The following SI variants were observed in gnomAD, a reference collection of about 807,000 sequenced individuals.
SI encodes the protein sucrase-isomaltase, intestinal.
Under a neutral mutation model 253.3 loss-of-function variants are expected in SI, and 235 were observed. The observed-to-expected ratio is 0.93, with a 90% CI of 0.83 to 1.03. The LOEUF is 1.03. SI is among the 50% of genes least tolerant of loss of function. SI has a pLI of 0.00. For synonymous variants in SI, 819 were observed against 712.0 expected (o/e 1.15, Z -2.39); for missense variants, 2,442 against 2,211.1 (o/e 1.10, Z -2.09).
intron 42 of SI, 29 bp downstream of exon 42, chr3:164,992,284 T>TG (rs1342706219): frequency 1.2e-6 from 2 of 1,612,446 alleles, no homozygotes; most frequent in Non-Finnish European, 8.5e-7. Context: ...AAGAAAATTG[T>TG]GTAAACAAAA....
rs1213610872 is a variant in SI, at chr3:165,000,266, CT to C, written c.4407-1594del. Among the ~76,000 whole-genome samples the C allele has an allele frequency of 2.6e-5, 4 of 151,024 alleles. No homozygotes were observed. In the Admixed American group the frequency reaches 2.7e-4, roughly 10 times the overall value. On this transcript the variant is annotated intron_variant, in intron 37 of 47. Coordinates refer to ENST00000264382, the MANE Select transcript of SI (RefSeq NM_001041.4). The stretch of plus-strand genomic sequence containing the variant: ...ATCTTACACTTGAAAAACTTCTTTA[CT>C]GATACTTTAAATTAATAGCTGAATA...
At chr3:164,994,190 G>C in intron 41 of SI, 67 bp downstream of exon 41, 1 of 1,398,260 alleles carries the variant, frequency 7.2e-7, no homozygotes. Context: ...TGCACTATAA[G>C]AGATCATTGG....
intron 3 of SI, among the ~76,000 whole-genome samples, chr3:165,071,065 C>T (rs1714544426): frequency 6.6e-6 from 1 of 152,058 alleles, no homozygotes; most frequent in African/African-American, 2.4e-5. Flanking sequence ...GGACGTTAGT[C>T]ATTCGACGCA....
chr3:164,984,531 A>G (rs1452654202), intron 45 of SI, among the ~76,000 whole-genome samples: 11 of 152,160 alleles, frequency 7.2e-5, no homozygotes, highest in Admixed American at 6.6e-4. Context: ...AGTGACAGCT[A>G]TTACGAAGAT....
At chr3:165,007,823 C>A (rs1310830451) in intron 36 of SI, 88 bp downstream of exon 36, 5 of 455,158 alleles carry the variant, frequency 1.1e-5, no homozygotes, top group Admixed American at 6.1e-5. Flanking sequence ...CTATGTATAG[C>A]TAACTGATAT....
chr3:164,979,236 T>G lies in SI; in HGVS notation c.*126A>C. On this transcript the variant is annotated 3_prime_UTR_variant, in exon 48 of 48. Coordinates refer to ENST00000264382, the MANE Select transcript of SI (RefSeq NM_001041.4). ...TCATTGATGTACGCTACAAAATAAC[T>G]TTTCGATGTTATGAAAGCTATATTT... is the stretch of plus-strand genomic sequence containing the variant. 1.4e-6 allele frequency: 1 copy of G among 718,300 alleles called. No homozygotes were observed. The highest frequency in any genetic ancestry group is 1.5e-5 in the South Asian group (1 of 68,756). The allele number at this position is 718,300 out of a possible 1,614,324, so 44.5% of individuals were successfully genotyped here.
rs751249445 is a variant in SI, at chr3:165,059,922, G to A, written c.1126C>T (p.Arg376Trp). The A allele has an allele frequency of 6.8e-6, 11 of 1,611,568 alleles. No individual in the cohort carries two copies. The highest frequency in any genetic ancestry group is 9.3e-6 in the Non-Finnish European group (11 of 1,178,394). Residue 376 changes from arginine (R) to tryptophan (W), a missense_variant, in exon 10 of 48, where the codon CGG becomes TGG. By Grantham distance (101) the Arg-to-Trp change is moderately radical. Coordinates refer to ENST00000264382, the MANE Select transcript of SI (RefSeq NM_001041.4). ...CTTACAAATGGTATGCCAGCTTCCC[G>A]GTTTCTCCTTACCACTTCTTTCACT... ...DVVKEVVRRN[R>W]EAGIPFDTQV... is the part of the protein sequence containing the mutation.
In SI at chr3:165,065,347, T is replaced by A; in HGVS notation, c.721A>T (p.Ile241Phe). ...TRLPSDYIYG[I>F]GEQVHKRFRH... ...AATCTCTTATGAACTTGTTCTCCAA[T>A]ACCATAAATATAATCACTTGGAAGA... Residue 241 changes from isoleucine (I) to phenylalanine (F), a missense_variant, in exon 7 of 48, where the codon ATT becomes TTT. Transcript: ENST00000264382. 6.3e-7 allele frequency: 1 copy of A among 1,596,520 alleles called. No individual in the cohort carries two copies. Among genetic ancestry groups the A allele is most frequent in the Non-Finnish European group, 8.6e-7 (1 of 1,165,664 alleles).
chr3:165,060,704 C>T (rs796079060), intron 9 of SI, among the ~76,000 whole-genome samples: 13 of 149,728 alleles, frequency 8.7e-5, no homozygotes, highest in African/African-American at 2.9e-4. Flanking sequence ...TAATTTTGCA[C>T]ATGGAAATTT....
Position 165,058,812 on chromosome 3 carries a change from A to G in SI, c.1398+151T>C, listed in dbSNP as rs530084741. On this transcript the variant is annotated intron_variant, in intron 12 of 47. Transcript: ENST00000264382. The stretch of plus-strand genomic sequence containing the variant: ...TCTTGGAGTAGTTTCTTTGTCTAAT[A>G]TTTTTCTCCACAATTAAAATATAAA... 49 of 621,172 alleles carry G rather than the reference A, an allele frequency of 7.9e-5. 1 individual carries two copies. In the Middle Eastern group the frequency reaches 1.4e-3, roughly 17 times the overall value. The allele number at this position is 621,172 out of a possible 1,614,324, so 38.5% of individuals were successfully genotyped here.
chr3:165,037,859 G>T lies in SI; in HGVS notation c.2426+41C>A, dbSNP rs774117638. ...ATGCAAATATGAAATATTAAGATTT[G>T]AATTTTATTTTAGATTTCAACTAAT... is the stretch of plus-strand genomic sequence containing the variant. On this transcript the variant is annotated intron_variant, in intron 21 of 47. Coordinates refer to ENST00000264382, the MANE Select transcript of SI (RefSeq NM_001041.4). 7.3e-5 allele frequency: 99 copies of T among 1,347,148 alleles called. 1 individual carries two copies. The highest frequency in any genetic ancestry group is 5.4e-4 in the Admixed American group (29 of 53,522). 83.4% of individuals were successfully genotyped at this position (1,347,148 alleles called of 1,614,324 possible).
chr3:165,049,845 C>CTGGAATAAAG lies in SI; in HGVS notation c.1542_1543insCTTTATTCCA (p.Gly515LeufsTer10), dbSNP rs1429416595. 2 of 1,608,472 alleles carry CTGGAATAAAG rather than the reference C, an allele frequency of 1.2e-6. No homozygotes were observed. Among genetic ancestry groups the CTGGAATAAAG allele is most frequent in the African/African-American group, 2.7e-5 (2 of 74,748 alleles). On this transcript the variant is annotated frameshift_variant, in exon 14 of 48. Transcript: ENST00000264382. LOFTEE classifies it high-confidence loss of function. ...TTTACATTACATCCTTTTGTTGAACCTTGAATAAAGCTGGAAACTTCATTC... is the reference window on the plus strand; with the variant it reads ...TTTACATTACATCCTTTTGTTGAACCTGGAATAAAGTTGAATAAAGCTGGAAACTTCATTC...
chr3:164,995,501 AC>A (rs1717971406), intron 40 of SI, among the ~76,000 whole-genome samples: 1 of 151,780 alleles, frequency 6.6e-6, no homozygotes, highest in African/African-American at 2.4e-5. Context: ...TCATATTTAA[AC>A]TTAAGTAGAG....
At chr3:165,033,538 A>T in intron 22 of SI, 94 bp from the exon 23 acceptor site, 1 of 1,169,682 alleles carries the variant, frequency 8.5e-7, no homozygotes. Context: ...ATTTGAACAA[A>T]CTAGATGCTG....
At chr3:164,997,827 T>C (rs1224296544) in intron 38 of SI, among the ~76,000 whole-genome samples, 1 of 151,940 alleles carries the variant, frequency 6.6e-6, no homozygotes, top group African/African-American at 2.4e-5. Flanking sequence ...GATCTCATTT[T>C]TTATGGCTGT....
chr3:165,069,873 A>C (rs891862840), intron 3 of SI, among the ~76,000 whole-genome samples: 3 of 151,588 alleles, frequency 2.0e-5, no homozygotes, highest in African/African-American at 7.3e-5. Flanking sequence ...GTATAATTAT[A>C]AATCTATGTA....
At chr3:165,023,248 T>C (rs1342983998) in intron 26 of SI, among the ~76,000 whole-genome samples, 1 of 151,538 alleles carries the variant, frequency 6.6e-6, no homozygotes, top group African/African-American at 2.4e-5. Context: ...TTAAAAATAA[T>C]GGAAACAGTA....
In SI at chr3:165,028,718, C is replaced by A. The variant is rs539409136; in HGVS notation, c.2892+1994G>T. 9.3e-5 allele frequency among the ~76,000 whole-genome samples: 14 copies of A among 149,988 alleles called. No individual in the cohort carries two copies. In the South Asian group the frequency reaches 2.9e-3, roughly 32 times the overall value. On this transcript the variant is annotated intron_variant, in intron 25 of 47. Coordinates refer to ENST00000264382, the MANE Select transcript of SI (RefSeq NM_001041.4). ...ACATCCTATTCAACAAATGGTGCTA[C>A]GATTATTGGCAAGCCACATGCAGGA...
At chr3:164,994,652 C>A (rs1284193769) in intron 40 of SI, among the ~76,000 whole-genome samples, 1 of 151,236 alleles carries the variant, frequency 6.6e-6, no homozygotes, top group Non-Finnish European at 1.5e-5. Flanking sequence ...GTGAACATAC[C>A]CAAAGAAAAG....
Sources: gnomAD v4.1 joint callset for allele counts (sites outside exome capture counted in the v4.1 genomes callset) on GRCh38, gnomAD v4.1.1 for gene constraint, MANE v1.5 for transcripts, NCBI Gene and HGNC (gene_info 2026-07-23, HGNC 2026-07-21) for gene names.